The following SVOP variants were observed in gnomAD, a reference collection of about 807,000 sequenced individuals.
The protein encoded by SVOP is SV2 related protein.
Under a neutral mutation model 69.1 loss-of-function variants are expected in SVOP, and 17 were observed. The observed-to-expected ratio is 0.25, with a 90% CI of 0.17 to 0.37. The LOEUF is 0.37. SVOP is among the 10% of genes least tolerant of loss of function. The pLI, the probability that SVOP is intolerant of heterozygous loss-of-function variation, is 1.00. For missense variants in SVOP, 435 were observed against 597.5 expected (o/e 0.73, Z 2.84); for synonymous variants, 238 against 238.6 (o/e 1.00, Z 0.02).
chr12:108,920,156 G>C (rs139178180), intron 12 of SVOP, among the ~76,000 whole-genome samples: 1 of 152,304 alleles, frequency 6.6e-6, no homozygotes, highest in African/African-American at 2.4e-5. Context: ...GCATGGGAGT[G>C]GATCCTGCCC....
At chr12:108,916,291 C>T (rs2039713224) in intron 14 of SVOP, among the ~76,000 whole-genome samples, 1 of 152,176 alleles carries the variant, frequency 6.6e-6, no homozygotes, top group Admixed American at 6.5e-5. Context: ...CAGTAGGGGC[C>T]ACGTGCTTTG....
At chr12:109,020,742 A>T (rs1013259978) in intron 1 of SVOP, 92 bp downstream of exon 1, 5 of 485,878 alleles carry the variant, frequency 1.0e-5, no homozygotes, top group African/African-American at 7.9e-5. Context: ...TCAAGAAACC[A>T]TGCAGAGATG....
intron 11 of SVOP, among the ~76,000 whole-genome samples, chr12:108,933,949 G>A (rs147722324): frequency 9.9e-5 from 15 of 152,280 alleles, no homozygotes; most frequent in African/African-American, 3.6e-4. Flanking sequence ...TTTCTTTAAT[G>A]TGCCTTGGTT....
chr12:108,972,378 G>T, intron 5 of SVOP, 27 bp downstream of exon 5: 1 of 1,535,832 alleles, frequency 6.5e-7, no homozygotes, highest in African/African-American at 1.4e-5. Context: ...CAGAGGACAT[G>T]CGTTTAGAAG....
chr12:108,971,424 G>A (rs1039954786), intron 5 of SVOP, among the ~76,000 whole-genome samples: 7 of 71,238 alleles, frequency 9.8e-5, no homozygotes, highest in Admixed American at 2.0e-4. Flanking sequence ...GCAAGACTCC[G>A]TCTCAAAAAA....
chr12:108,969,795 T>A (rs939711987), intron 5 of SVOP, among the ~76,000 whole-genome samples: 2 of 151,566 alleles, frequency 1.3e-5, no homozygotes, highest in Admixed American at 6.6e-5. Context: ...ATGCCATCAC[T>A]CATATGCTCC....
chr12:108,912,393 T>C lies in SVOP; in HGVS notation c.*142A>G. On this transcript the variant is annotated 3_prime_UTR_variant, in exon 16 of 16. Coordinates refer to ENST00000610966, the MANE Select transcript of SVOP (RefSeq NM_018711.5). ...CCTCAATGAAGATGAGCAAACTGAG[T>C]CAAGACACAAAACCCTGTTGGTCCA... 6.6e-7 allele frequency: 1 copy of C among 1,511,750 alleles called. No individual in the cohort carries two copies. Among genetic ancestry groups the C allele is most frequent in the Non-Finnish European group, 8.8e-7 (1 of 1,134,764 alleles). 93.6% of individuals were successfully genotyped at this position (1,511,750 alleles called of 1,614,324 possible).
chr12:108,997,562 T>C (rs1193748876), intron 1 of SVOP, among the ~76,000 whole-genome samples: 1 of 152,068 alleles, frequency 6.6e-6, no homozygotes, highest in Non-Finnish European at 1.5e-5. Flanking sequence ...AATGTCCCTG[T>C]CTGACAGCTT....
intron 2 of SVOP, among the ~76,000 whole-genome samples, chr12:108,980,031 C>G (rs1176271806): frequency 6.6e-6 from 1 of 152,080 alleles, no homozygotes; most frequent in Admixed American, 6.6e-5. Context: ...TAAAAAGTAG[C>G]TGTGAGTTGT....
chr12:109,006,209 C>T (rs2040306651), intron 1 of SVOP, among the ~76,000 whole-genome samples: 6 of 152,010 alleles, frequency 3.9e-5, no homozygotes, highest in African/African-American at 9.7e-5. Context: ...CCTGCTACCA[C>T]GCCTGGCTAA....
intron 5 of SVOP, among the ~76,000 whole-genome samples, chr12:108,963,971 T>C (rs552369712): frequency 5.9e-5 from 9 of 152,208 alleles, no homozygotes; most frequent in Non-Finnish European, 1.2e-4. Flanking sequence ...ATTAAGACTG[T>C]ATAGTTTCAC....
At chr12:108,981,362 T>C (rs1037782824) in intron 2 of SVOP, among the ~76,000 whole-genome samples, 6 of 152,144 alleles carry the variant, frequency 3.9e-5, no homozygotes, top group Non-Finnish European at 5.9e-5. Flanking sequence ...CTTCCCTCCA[T>C]CCCCTGTCAT....
rs576372169 is a variant in SVOP at position 109,006,029 on chromosome 12, A to G, written c.35+14805T>C. Among the ~76,000 whole-genome samples the G allele has an allele frequency of 2.0e-5, 3 of 151,756 alleles. No homozygotes were observed. In the East Asian group the frequency reaches 5.8e-4, roughly 30 times the overall value. On this transcript the variant is annotated intron_variant, in intron 1 of 15. Transcript: ENST00000610966. The stretch of plus-strand genomic sequence containing the variant: ...CATTCTCCCGCAAGAGGAGGAATCA[A>G]TGGAGGAAAGTGGGTTGTTTTGTTT...
chr12:108,938,842 G>A lies in SVOP; in HGVS notation c.882C>T (p.Leu294=). 6.2e-7 allele frequency: 1 copy of A among 1,614,020 alleles called. No individual in the cohort carries two copies. The highest frequency in any genetic ancestry group is 8.5e-7 in the Non-Finnish European group (1 of 1,179,886). The change falls in exon 9 of 16, where the codon CTC becomes CTT. Residue 294 remains leucine (L), a synonymous_variant. Coordinates refer to ENST00000610966, the MANE Select transcript of SVOP (RefSeq NM_018711.5). ...AGGCACTGACCTGTCTGGAGATGAT[G>A]AGTTTCCCCAGCGGCATGGGAGCTC... ...ENGAPMPLGK[L]IISRQEDRGK... is the part of the protein sequence containing the mutation.
rs1294504362 is a variant in SVOP at position 108,912,353 on chromosome 12, C to T, written c.*182G>A. 6 of 1,457,278 alleles carry T rather than the reference C, an allele frequency of 4.1e-6. No homozygotes were observed. In the African/African-American group the frequency reaches 8.5e-5, roughly 21 times the overall value. The allele number at this position is 1,457,278 out of a possible 1,614,324, so 90.3% of individuals were successfully genotyped here. On this transcript the variant is annotated 3_prime_UTR_variant, in exon 16 of 16. Transcript: ENST00000610966. The stretch of plus-strand genomic sequence containing the variant: ...AGAACCCCCTAGAGCAAACATCTCC[C>T]CATCCCTGGGTGGACCTCAATGAAG...
intron 1 of SVOP, among the ~76,000 whole-genome samples, chr12:109,008,612 T>C (rs982610588): frequency 1.3e-5 from 2 of 152,196 alleles, no homozygotes; most frequent in Non-Finnish European, 2.9e-5. Flanking sequence ...TTAGCATTCA[T>C]GAAGCCTTTA....
chr12:108,979,947 G>A (rs2040127155), intron 2 of SVOP, among the ~76,000 whole-genome samples: 1 of 152,192 alleles, frequency 6.6e-6, no homozygotes, highest in Non-Finnish European at 1.5e-5. Flanking sequence ...TGAGGCAGGA[G>A]GATCACTTGA....
At chr12:109,020,751 T>TGGGGG in intron 1 of SVOP, 83 bp downstream of exon 1, 2 of 398,290 alleles carry the variant, frequency 5.0e-6, no homozygotes, top group Non-Finnish European at 4.8e-6. Context: ...CATGCAGAGA[T>TGGGGG]GTACCCCCCC....
At position 108,970,614 on chromosome 12, in the gene SVOP, T is replaced by C. The variant is rs2040073499; in HGVS notation, c.453+1791A>G. 3.9e-5 allele frequency among the ~76,000 whole-genome samples: 6 copies of C among 152,088 alleles called. No individual in the cohort carries two copies. The South Asian group carries it at 1.2e-3, about 32-fold the overall frequency. ...GTAGGTTATTCTTAGTCTAAGCCAA[T>C]CGTTTTCAAAGTATGGTCCCAAGCA... On this transcript the variant is annotated intron_variant, in intron 5 of 15. Coordinates refer to ENST00000610966, the MANE Select transcript of SVOP (RefSeq NM_018711.5).
Sources: gnomAD v4.1 joint callset for allele counts (sites outside exome capture counted in the v4.1 genomes callset) on GRCh38, gnomAD v4.1.1 for gene constraint, MANE v1.5 for transcripts, NCBI Gene and HGNC (gene_info 2026-07-23, HGNC 2026-07-21) for gene names.